Variants in DDX4 observed in about 807,000 individuals in gnomAD.
DDX4 encodes probable ATP-dependent RNA helicase DDX4.
DDX4 carries 25 observed loss-of-function variants against 100.0 expected under a neutral mutation model. That is an observed-to-expected ratio of 0.25 (90% CI 0.18 to 0.35). The LOEUF (loss-of-function observed/expected upper bound fraction) is 0.35. Among genes scored for constraint, DDX4 ranks in the 10% least tolerant of loss-of-function variants. DDX4 has a pLI of 1.00. For missense variants in DDX4, 635 were observed against 882.4 expected (o/e 0.72, Z 3.55); for synonymous variants, 259 against 275.7 (o/e 0.94, Z 0.60).
At chr5:55,754,525 A>G (rs1308593939) in intron 3 of DDX4, among the ~76,000 whole-genome samples, 1 of 149,128 alleles carries the variant, frequency 6.7e-6, no homozygotes, top group Non-Finnish European at 1.5e-5. Context: ...GATGAAGCCC[A>G]CTTGATCATG....
chr5:55,798,634 A>G (rs1743113532), intron 18 of DDX4, 63 bp downstream of exon 18: 1 of 1,455,178 alleles, frequency 6.9e-7, no homozygotes, highest in Admixed American at 2.1e-5. Flanking sequence ...TAATTTAAAA[A>G]ATCACTAAAG....
chr5:55,812,592 CA>C (rs879325931), intron 18 of DDX4, among the ~76,000 whole-genome samples: 2,311 of 138,174 alleles, frequency 0.017, 46 homozygotes, highest in African/African-American at 0.054. Context: ...GACTGCGTCT[CA>C]AAAAAAAAAA....
intron 17 of DDX4, among the ~76,000 whole-genome samples, chr5:55,793,065 T>TG (rs1160621818): frequency 0.012 from 1,828 of 148,972 alleles, 41 homozygotes; most frequent in Admixed American, 0.047. Context: ...TTTGTGTGTG[T>TG]TGTTGTTGTT....
intron 3 of DDX4, among the ~76,000 whole-genome samples, chr5:55,758,269 TA>T (rs1460975938): frequency 6.6e-6 from 1 of 152,230 alleles, no homozygotes; most frequent in African/African-American, 2.4e-5. Flanking sequence ...CATACTGGGA[TA>T]AACCCAATTA....
chr5:55,781,627 A>C (rs1183970280), intron 9 of DDX4, among the ~76,000 whole-genome samples: 1 of 152,166 alleles, frequency 6.6e-6, no homozygotes, highest in African/African-American at 2.4e-5. Flanking sequence ...AAATACAGAA[A>C]TTAGCTGGGC....
At chr5:55,766,438 G>GTTT (rs1054625390) in intron 6 of DDX4, among the ~76,000 whole-genome samples, 2 of 117,160 alleles carry the variant, frequency 1.7e-5, no homozygotes, top group Non-Finnish European at 1.9e-5. Flanking sequence ...TAGTAGTTTT[G>GTTT]TTTTTTTTTT....
intron 18 of DDX4, among the ~76,000 whole-genome samples, chr5:55,812,394 T>C (rs999517164): frequency 6.6e-6 from 1 of 152,108 alleles, no homozygotes; most frequent in African/African-American, 2.4e-5. Flanking sequence ...ACCCCGTCTC[T>C]ACTAAAAATA....
intron 7 of DDX4, among the ~76,000 whole-genome samples, chr5:55,772,907 A>C (rs753913648): frequency 6.6e-5 from 10 of 152,230 alleles, no homozygotes; most frequent in Non-Finnish European, 1.2e-4. Context: ...ATAACAACAC[A>C]AAACAAATGA....
chr5:55,738,061 G>C lies in DDX4; in HGVS notation c.-55G>C, dbSNP rs1419366762. 10 of 152,316 alleles carry C rather than the reference G, an allele frequency of 6.6e-5. No homozygotes were observed. The highest frequency in any genetic ancestry group is 1.5e-4 in the Non-Finnish European group (10 of 68,086). The allele number at this position is 152,316 out of a possible 1,614,324, so 9.4% of individuals were successfully genotyped here. A position where few individuals can be genotyped will look rare whatever the true frequency, so the allele number is the denominator to read the frequency against. On this transcript the variant is annotated 5_prime_UTR_variant, in exon 1 of 22. Coordinates refer to ENST00000505374, the MANE Select transcript of DDX4 (RefSeq NM_024415.3). ...TTGCACGTGCAGCCGTTTAAGTCGC[G>C]TGGGCGCCTGCGAGGGCTTGGGAGA...
intron 6 of DDX4, among the ~76,000 whole-genome samples, chr5:55,765,413 A>AAAAATATATATATATATAT (rs1392558099): frequency 1.2e-5 from 1 of 83,010 alleles, no homozygotes; most frequent in African/African-American, 5.8e-5. Context: ...AAAAAAAAAA[A>AAAAATATATATATATATAT]ATATATATAT....
intron 3 of DDX4, among the ~76,000 whole-genome samples, chr5:55,757,571 G>C (rs753539171): frequency 3.3e-5 from 5 of 152,160 alleles, no homozygotes; most frequent in Middle Eastern, 3.2e-3. Flanking sequence ...GCGTTTGCAA[G>C]TATCTTTTCA....
chr5:55,803,647 GACAT>G (rs1743481241), intron 18 of DDX4, among the ~76,000 whole-genome samples: 1 of 151,652 alleles, frequency 6.6e-6, no homozygotes. Context: ...CCCTACAAAG[GACAT>G]GAACTCATCA....
chr5:55,816,467 A>G lies in DDX4; in HGVS notation c.2102A>G (p.Lys701Arg). Residue 701 changes from lysine (K) to arginine (R), a missense_variant, in exon 22 of 22, where the codon AAG becomes AGG. By Grantham distance (26) the Lys-to-Arg change is conservative. Around this residue, in one of 4 missense-constraint regions of DDX4, gnomAD observed 73 missense variants for 98.5 expected, o/e 0.74. Coordinates refer to ENST00000505374, the MANE Select transcript of DDX4 (RefSeq NM_024415.3). ...VFASVDTRKG[K>R]STLNTAGFSS... ...TTTTTTTTAAATAATTACCAGGGCA[A>G]GAGCACTTTGAACACAGCTGGGTTT... The G allele has an allele frequency of 6.2e-7, 1 of 1,608,572 alleles. No individual in the cohort carries two copies.
At chr5:55,785,629 A>T in intron 12 of DDX4, 100 bp from the exon 13 acceptor site, 2 of 1,286,048 alleles carry the variant, frequency 1.6e-6, no homozygotes, top group East Asian at 4.7e-5. Flanking sequence ...GGGAAGTTCC[A>T]TAGTATTTAA....
chr5:55,787,502 GT>G (rs1429038335), intron 14 of DDX4, among the ~76,000 whole-genome samples: 3 of 152,122 alleles, frequency 2.0e-5, no homozygotes, highest in Non-Finnish European at 4.4e-5. Flanking sequence ...CTAACTTAGA[GT>G]AATTGTTCAC....
chr5:55,807,557 T>G (rs1273904529), intron 18 of DDX4, among the ~76,000 whole-genome samples: 1 of 152,182 alleles, frequency 6.6e-6, no homozygotes. Flanking sequence ...GTCTGTAAAG[T>G]ATTTTATTTC....
chr5:55,778,092 C>T (rs1173585066), intron 7 of DDX4, among the ~76,000 whole-genome samples: 1 of 152,016 alleles, frequency 6.6e-6, no homozygotes, highest in African/African-American at 2.4e-5. Context: ...ATTTGATCAT[C>T]TTTTAAGGAT....
rs534202302 is a variant in DDX4 at position 55,774,025 on chromosome 5, G to A, written c.395-5939G>A. On this transcript the variant is annotated intron_variant, in intron 7 of 21. Coordinates refer to ENST00000505374, the MANE Select transcript of DDX4 (RefSeq NM_024415.3). ...TATATCTTTGGAGAAATGTCTTTCA[G>A]ATCCTTCACTCATTTTAACAATTGG... Among the ~76,000 whole-genome samples the A allele has an allele frequency of 2.6e-5, 4 of 152,156 alleles. No individual in the cohort carries two copies. In the East Asian group the frequency reaches 7.7e-4, roughly 29 times the overall value.
intron 3 of DDX4, among the ~76,000 whole-genome samples, chr5:55,752,533 A>G (rs1441473621): frequency 2.1e-5 from 3 of 144,878 alleles, no homozygotes; most frequent in Admixed American, 1.4e-4. Flanking sequence ...TTATGGCTGC[A>G]TAGTATTCCA....
Sources: allele counts gnomAD v4.1 joint callset (sites outside exome capture counted in the v4.1 genomes callset), GRCh38; gene constraint gnomAD v4.1.1; regional missense constraint gnomAD v4.1.1; transcripts MANE v1.5; gene names NCBI Gene and HGNC (gene_info 2026-07-23, HGNC 2026-07-21).